PRELID2: variants seen among roughly 807,000 people sequenced by gnomAD.
PRELID2 encodes PRELI domain containing 2.
Under a neutral mutation model 28.4 loss-of-function variants are expected in PRELID2, and 25 were observed. The ratio of observed to expected loss-of-function variants is 0.88; its 90% confidence interval spans 0.64 to 1.23. The LOEUF is 1.23. Ranked by LOEUF, PRELID2 falls within the 50% of genes most tolerant of loss-of-function variation. The pLI is 0.00. For missense variants in PRELID2, 201 were observed against 214.4 expected (o/e 0.94, Z 0.39); for synonymous variants, 76 against 71.6 (o/e 1.06, Z -0.31).
At chr5:145,835,067 C>T in intron 1 of PRELID2, 110 bp downstream of exon 1, 1 of 727,050 alleles carries the variant, frequency 1.4e-6, no homozygotes, top group Non-Finnish European at 2.3e-6. Context: ...GCAAAGCCCG[C>T]AGCTGGAAAG....
chr5:145,779,912 T>C (rs928486121), intron 5 of PRELID2, among the ~76,000 whole-genome samples: 2 of 152,226 alleles, frequency 1.3e-5, no homozygotes, highest in Admixed American at 1.3e-4. Context: ...GTTATTGTTT[T>C]TAACTATCTT....
the PRELID2 span, among the ~76,000 whole-genome samples, chr5:145,254,916 TAA>T: frequency 0.088 from 12,185 of 138,762 alleles, 1,065 homozygotes; most frequent in African/African-American, 0.24. Context: ...AACTCTGAAT[TAA>T]AAAAAAAAAA....
At chr5:145,636,554 G>C (rs1390805392) in intron 1 of PRELID2, among the ~76,000 whole-genome samples, 1 of 152,194 alleles carries the variant, frequency 6.6e-6, no homozygotes, top group Non-Finnish European at 1.5e-5. Flanking sequence ...TTTCTAACTT[G>C]TGTAATTATA....
At chr5:145,295,734 C>T in the PRELID2 span, among the ~76,000 whole-genome samples, 4 of 151,956 alleles carry the variant, frequency 2.6e-5, no homozygotes, top group South Asian at 4.1e-4. Flanking sequence ...GTTCATGTAG[C>T]GAATTGATGG....
At chr5:145,563,541 T>C (rs1191630410) in intron 1 of PRELID2, among the ~76,000 whole-genome samples, 1 of 151,916 alleles carries the variant, frequency 6.6e-6, no homozygotes, top group East Asian at 1.9e-4. Context: ...CAGAGAGGAG[T>C]ATGAAGTTGC....
intron 4 of PRELID2, 136 bp downstream of exon 4, chr5:145,817,758 T>C (rs905957344): frequency 1.5e-5 from 11 of 732,860 alleles, no homozygotes; most frequent in African/African-American, 5.5e-5. Flanking sequence ...ATTACTGTGA[T>C]TAAAAAATTA....
intron 5 of PRELID2, among the ~76,000 whole-genome samples, chr5:145,781,928 C>A (rs1288916078): frequency 6.6e-6 from 1 of 151,836 alleles, no homozygotes; most frequent in East Asian, 1.9e-4. Context: ...TTCCTATTTT[C>A]TCATTGTCTT....
At chr5:145,467,250 T>A (rs6872426), downstream of PRELID2, among the ~76,000 whole-genome samples, 36,938 of 152,002 alleles carry the variant, frequency 0.24, 4,659 homozygotes, top group South Asian at 0.35. Flanking sequence ...AGAACACAAC[T>A]CTAGCCCACC....
intron 1 of PRELID2, among the ~76,000 whole-genome samples, chr5:145,625,426 C>T (rs569499025): frequency 2.0e-5 from 3 of 152,124 alleles, no homozygotes; most frequent in Non-Finnish European, 2.9e-5. Flanking sequence ...ATGAATAAAC[C>T]TTAGAAACAA....
intron 1 of PRELID2, among the ~76,000 whole-genome samples, chr5:145,720,081 G>T (rs1463513813): frequency 1.3e-5 from 2 of 151,628 alleles, no homozygotes; most frequent in Admixed American, 6.6e-5. Flanking sequence ...CATTAAAAGG[G>T]TCTAAAAGGA....
intron 6 of PRELID2, among the ~76,000 whole-genome samples, chr5:145,764,569 A>C (rs1386666700): frequency 6.6e-6 from 1 of 152,216 alleles, no homozygotes; most frequent in East Asian, 1.9e-4. Flanking sequence ...TGCTCCAATT[A>C]CACTTTTAAA....
the PRELID2 span, among the ~76,000 whole-genome samples, chr5:145,329,842 A>G: frequency 9.2e-5 from 14 of 152,224 alleles, no homozygotes. Flanking sequence ...GAAAAACAGC[A>G]TCCTTGTCTT....
At chr5:145,336,626 G>A in the PRELID2 span, among the ~76,000 whole-genome samples, 2 of 152,014 alleles carry the variant, frequency 1.3e-5, no homozygotes, top group South Asian at 4.1e-4. Context: ...CTGTTCCATT[G>A]ATCTATGTCT....
the PRELID2 span, among the ~76,000 whole-genome samples, chr5:145,391,448 A>T: frequency 6.6e-6 from 1 of 152,230 alleles, no homozygotes; most frequent in East Asian, 1.9e-4. Context: ...TAGAGCAGAG[A>T]GGCCCGTGGC....
intron 4 of PRELID2, among the ~76,000 whole-genome samples, chr5:145,812,504 A>G (rs1561638244): frequency 6.6e-6 from 1 of 152,242 alleles, no homozygotes; most frequent in Non-Finnish European, 1.5e-5. Flanking sequence ...TAAAACAAAG[A>G]TAATAGTTCC....
At chr5:145,617,176 G>A (rs1295567298) in intron 1 of PRELID2, among the ~76,000 whole-genome samples, 1 of 152,114 alleles carries the variant, frequency 6.6e-6, no homozygotes, top group African/African-American at 2.4e-5. Flanking sequence ...AAACACACAT[G>A]CTCTACAAAC....
chr5:145,616,924 G>A (rs534706296), intron 1 of PRELID2, among the ~76,000 whole-genome samples: 3 of 152,054 alleles, frequency 2.0e-5, no homozygotes, highest in East Asian at 1.9e-4. Flanking sequence ...CATAAAAGAC[G>A]GCCACCCCCC....
chr5:145,391,210 C>T, the PRELID2 span, among the ~76,000 whole-genome samples: 31 of 152,358 alleles, frequency 2.0e-4, no homozygotes, highest in Non-Finnish European at 3.1e-4. Context: ...CATGGCTCCA[C>T]CCCTGTAGCA....
At chr5:145,660,087 T>C (rs997552465) in intron 1 of PRELID2, among the ~76,000 whole-genome samples, 20 of 152,194 alleles carry the variant, frequency 1.3e-4, no homozygotes, top group African/African-American at 4.8e-4. Context: ...GGATGATTAC[T>C]CCATTTTGAA....
Sources: allele counts gnomAD v4.1 joint callset (sites outside exome capture counted in the v4.1 genomes callset), GRCh38; gene constraint gnomAD v4.1.1; transcripts MANE v1.5; gene names NCBI Gene and HGNC (gene_info 2026-07-23, HGNC 2026-07-21).